The following CCSER1 variants were observed in gnomAD, a reference collection of about 807,000 sequenced individuals.
CCSER1 encodes serine-rich coiled-coil domain-containing protein 1.
A neutral mutation model predicts 82.0 loss-of-function variants in CCSER1; 41 were observed. That is an observed-to-expected ratio of 0.50 (90% CI 0.39 to 0.65). The LOEUF is 0.65. Among genes scored for constraint, CCSER1 ranks in the 30% least tolerant of loss-of-function variants. CCSER1 has a pLI of 0.00. For missense variants in CCSER1, 1,119 were observed against 1,064.2 expected, an observed-to-expected ratio of 1.05 and a Z score of -0.72; for synonymous variants, 414 against 383.9, an observed-to-expected ratio of 1.08 and a Z score of -0.92.
chr4:90,515,534 ATCT>A (rs1231656219), intron 5 of CCSER1, among the ~76,000 whole-genome samples: 2 of 152,180 alleles, frequency 1.3e-5, no homozygotes, highest in Non-Finnish European at 2.9e-5. Flanking sequence ...CCACTGGGAA[ATCT>A]TCTTAAATTT....
At chr4:90,505,520 G>T (rs528974189) in intron 5 of CCSER1, among the ~76,000 whole-genome samples, 1 of 152,338 alleles carries the variant, frequency 6.6e-6, no homozygotes, top group Non-Finnish European at 1.5e-5. Flanking sequence ...CATCAGAAAA[G>T]ATGTCACAGA....
chr4:90,464,321 T>G (rs1763339393), intron 4 of CCSER1, among the ~76,000 whole-genome samples: 3 of 152,244 alleles, frequency 2.0e-5, no homozygotes, highest in South Asian at 4.1e-4. Flanking sequence ...ATAAGCAATT[T>G]TTGTGACTAT....
rs139684824 is a variant in CCSER1, at chr4:90,928,901, C to T, written c.2172+5454C>T. Among the ~76,000 whole-genome samples the T allele has an allele frequency of 6.7e-3, 1,019 of 152,162 alleles. 9 individuals carry two copies. The highest frequency in any genetic ancestry group is 0.018 in the South Asian group (88 of 4,824). On this transcript the variant is annotated intron_variant, in intron 9 of 10. Transcript: ENST00000509176. ...AAATCTAGATTCAGGCTCAGTACAT[C>T]AAGAGACTCACACTAGAGGAATACG... is the stretch of plus-strand genomic sequence containing the variant.
At chr4:90,417,289 C>T (rs1173718793) in intron 4 of CCSER1, among the ~76,000 whole-genome samples, 1 of 151,618 alleles carries the variant, frequency 6.6e-6, no homozygotes, top group Non-Finnish European at 1.5e-5. Flanking sequence ...AGTCAAATGT[C>T]CAAATTGCCA....
At chr4:90,461,599 A>G (rs887109486) in intron 4 of CCSER1, among the ~76,000 whole-genome samples, 5 of 151,348 alleles carry the variant, frequency 3.3e-5, no homozygotes, top group Non-Finnish European at 7.4e-5. Context: ...CTCAATATAT[A>G]TATAACATTT....
chr4:91,274,075 C>G (rs1171953814), intron 10 of CCSER1, among the ~76,000 whole-genome samples: 1 of 152,090 alleles, frequency 6.6e-6, no homozygotes, highest in Non-Finnish European at 1.5e-5. Flanking sequence ...TTTATAAAGT[C>G]TGGGTTCAGT....
At chr4:91,489,727 G>T (rs1758410668) in intron 10 of CCSER1, among the ~76,000 whole-genome samples, 2 of 152,066 alleles carry the variant, frequency 1.3e-5, no homozygotes, top group South Asian at 4.1e-4. Context: ...GGCAGAGGTT[G>T]CAGTGAGCCG....
chr4:91,108,657 A>G (rs1188088673), intron 10 of CCSER1, among the ~76,000 whole-genome samples: 1 of 152,206 alleles, frequency 6.6e-6, no homozygotes, highest in Non-Finnish European at 1.5e-5. Flanking sequence ...TGCATACTGT[A>G]TACAACCTGT....
At chr4:90,601,165 A>G (rs1485505059) in intron 5 of CCSER1, among the ~76,000 whole-genome samples, 1 of 151,962 alleles carries the variant, frequency 6.6e-6, no homozygotes, top group Non-Finnish European at 1.5e-5. Flanking sequence ...GCCTTATTTC[A>G]TAGGCTAGAG....
At chr4:91,045,606 A>C (rs938696563) in intron 9 of CCSER1, among the ~76,000 whole-genome samples, 1 of 152,204 alleles carries the variant, frequency 6.6e-6, no homozygotes, top group Non-Finnish European at 1.5e-5. Context: ...TATTATGGAA[A>C]TATTTGGTGT....
intron 1 of CCSER1, among the ~76,000 whole-genome samples, chr4:90,252,237 T>C (rs557123257): frequency 3.3e-5 from 5 of 151,996 alleles, no homozygotes; most frequent in Admixed American, 3.3e-4. Flanking sequence ...GAGCATCATG[T>C]TTTTGCATAA....
At chr4:91,348,471 G>A (rs1173535529) in intron 10 of CCSER1, among the ~76,000 whole-genome samples, 1 of 152,062 alleles carries the variant, frequency 6.6e-6, no homozygotes, top group Non-Finnish European at 1.5e-5. Context: ...TCTGGATTAG[G>A]GTAATGATGG....
intron 10 of CCSER1, among the ~76,000 whole-genome samples, chr4:91,524,409 G>T (rs931487416): frequency 6.6e-6 from 1 of 152,136 alleles, no homozygotes; most frequent in African/African-American, 2.4e-5. Context: ...CAGTTCAGAA[G>T]GATAAAGACA....
intron 4 of CCSER1, among the ~76,000 whole-genome samples, chr4:90,442,376 C>T (rs904764846): frequency 1.1e-4 from 16 of 152,066 alleles, no homozygotes; most frequent in Admixed American, 3.3e-4. Context: ...GGATTGTCTA[C>T]GGTCCCCAAG....
At chr4:91,503,390 A>G (rs1759322945) in intron 10 of CCSER1, among the ~76,000 whole-genome samples, 1 of 151,826 alleles carries the variant, frequency 6.6e-6, no homozygotes, top group African/African-American at 2.4e-5. Context: ...TTCAATGGCT[A>G]TATGTGCTGT....
intron 8 of CCSER1, among the ~76,000 whole-genome samples, chr4:90,848,786 G>C (rs1763505541): frequency 6.6e-6 from 1 of 152,102 alleles, no homozygotes; most frequent in Admixed American, 6.5e-5. Flanking sequence ...CCCCCATGCT[G>C]TTCTCGTGTT....
chr4:90,493,258 A>T (rs1199957403), intron 5 of CCSER1, among the ~76,000 whole-genome samples: 1 of 152,210 alleles, frequency 6.6e-6, no homozygotes, highest in African/African-American at 2.4e-5. Context: ...GAAATATGGA[A>T]CTATGTGAAA....
chr4:90,341,693 T>C (rs2153504730), intron 3 of CCSER1, among the ~76,000 whole-genome samples: 1 of 152,156 alleles, frequency 6.6e-6, no homozygotes, highest in East Asian at 1.9e-4. Context: ...ATTAGGCTGT[T>C]TAGACATTAA....
chr4:90,729,657 C>T (rs564691394), intron 7 of CCSER1, among the ~76,000 whole-genome samples: 1 of 152,084 alleles, frequency 6.6e-6, no homozygotes, highest in Non-Finnish European at 1.5e-5. Flanking sequence ...GGTTGGATCA[C>T]AAGGTCAGGG....
Sources: allele counts gnomAD v4.1 joint callset (sites outside exome capture counted in the v4.1 genomes callset), GRCh38; gene constraint gnomAD v4.1.1; transcripts MANE v1.5; gene names NCBI Gene and HGNC (gene_info 2026-07-23, HGNC 2026-07-21).